The following COL13A1 variants were observed in gnomAD, a reference collection of about 807,000 sequenced individuals.
The protein encoded by COL13A1 is collagen type XIII alpha 1 chain.
COL13A1 carries 89 observed loss-of-function variants against 130.9 expected under a neutral mutation model. The ratio of observed to expected loss-of-function variants is 0.68; its 90% CI spans 0.57 to 0.81. COL13A1 has a LOEUF of 0.81. Among genes scored for constraint, COL13A1 ranks in the 30% least tolerant of loss-of-function variants. The pLI, the probability that COL13A1 is intolerant of heterozygous loss-of-function variation, is 0.00. For missense variants in COL13A1, 879 were observed against 934.6 expected (o/e 0.94, Z 0.78); for synonymous variants, 402 against 341.6 (o/e 1.18, Z -1.95).
chr10:69,856,170 C>T (rs1162799609), intron 2 of COL13A1, among the ~76,000 whole-genome samples: 1 of 152,194 alleles, frequency 6.6e-6, no homozygotes, highest in Non-Finnish European at 1.5e-5. Flanking sequence ...TTAGTAGCAG[C>T]ATTTAGAAAT....
At chr10:69,849,286 G>A (rs1014158702) in intron 2 of COL13A1, among the ~76,000 whole-genome samples, 2 of 152,130 alleles carry the variant, frequency 1.3e-5, no homozygotes, top group South Asian at 2.1e-4. Context: ...CCTCCAGGAG[G>A]GGCCTGGGGG....
intron 30 of COL13A1, chr10:69,931,221 G>A (rs1047116250): frequency 2.2e-5 from 10 of 455,968 alleles, no homozygotes; most frequent in African/African-American, 1.6e-4. Context: ...CAGAGTGGCA[G>A]GATTGCCTAA....
intron 2 of COL13A1, among the ~76,000 whole-genome samples, chr10:69,822,762 A>T (rs1225203390): frequency 6.6e-6 from 1 of 152,246 alleles, no homozygotes; most frequent in Non-Finnish European, 1.5e-5. Context: ...CAAAGGGACC[A>T]TCAGCCCCCC....
At chr10:69,826,424 G>A (rs372229730) in intron 2 of COL13A1, among the ~76,000 whole-genome samples, 2 of 152,244 alleles carry the variant, frequency 1.3e-5, no homozygotes, top group African/African-American at 4.8e-5. Context: ...GTGGTGGCAT[G>A]GGGGTGATGT....
chr10:69,944,640 C>T (rs1247941172), intron 36 of COL13A1, among the ~76,000 whole-genome samples: 1 of 133,618 alleles, frequency 7.5e-6, no homozygotes, highest in East Asian at 2.1e-4. Context: ...GCCTAGGAGA[C>T]AGAGCAAGAC....
intron 37 of COL13A1, among the ~76,000 whole-genome samples, chr10:69,946,443 A>G (rs1169124358): frequency 1.3e-5 from 2 of 152,144 alleles, no homozygotes; most frequent in South Asian, 4.1e-4. Flanking sequence ...ATGCTTTCCC[A>G]CCACTGTGTT....
chr10:69,897,723 T>C (rs564985741), intron 13 of COL13A1, among the ~76,000 whole-genome samples: 1 of 152,172 alleles, frequency 6.6e-6, no homozygotes, highest in Non-Finnish European at 1.5e-5. Flanking sequence ...GCTGGGCGCA[T>C]TCGCAGCCCA....
At chr10:69,929,399 C>CCT (rs1370333945) in intron 28 of COL13A1, among the ~76,000 whole-genome samples, 1 of 152,050 alleles carries the variant, frequency 6.6e-6, no homozygotes, top group Non-Finnish European at 1.5e-5. Context: ...AAGGTCTGCC[C>CCT]CTCTGTCTCC....
chr10:69,952,267 G>T (rs887733944), intron 38 of COL13A1, among the ~76,000 whole-genome samples: 3 of 152,278 alleles, frequency 2.0e-5, no homozygotes, highest in Admixed American at 6.5e-5. Flanking sequence ...ACACACATGT[G>T]TTCACGTGCC....
chr10:69,921,733 G>A lies in COL13A1; in HGVS notation c.1090-149G>A, dbSNP rs536592023. ...AGCCAGTCAGGATGGGGGCCGGGAGGAAGTGGAGCCCTTCAGAAAGCCAGC... is the reference window on the plus strand; with the variant it reads ...AGCCAGTCAGGATGGGGGCCGGGAGAAAGTGGAGCCCTTCAGAAAGCCAGC... On this transcript the variant is annotated intron_variant, in intron 21 of 40. Transcript: ENST00000645393. The A allele has an allele frequency of 3.2e-6, 3 of 949,812 alleles. No individual in the cohort carries two copies. In the African/African-American group the frequency reaches 4.9e-5, roughly 15 times the overall value. 58.8% of individuals were successfully genotyped at this position (949,812 alleles called of 1,614,324 possible).
chr10:69,827,713 T>A (rs1250103779), intron 2 of COL13A1, among the ~76,000 whole-genome samples: 1 of 152,204 alleles, frequency 6.6e-6, no homozygotes, highest in East Asian at 1.9e-4. Context: ...TTGGTTGTTT[T>A]TCCACAGCTG....
chr10:69,825,424 T>G (rs2132714754), intron 2 of COL13A1, among the ~76,000 whole-genome samples: 1 of 152,356 alleles, frequency 6.6e-6, no homozygotes, highest in South Asian at 2.1e-4. Context: ...CCTAATACTG[T>G]ACCCCATACA....
chr10:69,912,935 C>A (rs1255038654), intron 17 of COL13A1, among the ~76,000 whole-genome samples: 1 of 152,248 alleles, frequency 6.6e-6, no homozygotes, highest in African/African-American at 2.4e-5. Flanking sequence ...ATCCTCCCAC[C>A]TGGAATCTTG....
At chr10:69,957,881 AG>A (rs2071088547) in intron 40 of COL13A1, among the ~76,000 whole-genome samples, 1 of 152,176 alleles carries the variant, frequency 6.6e-6, no homozygotes, top group African/African-American at 2.4e-5. Context: ...ATCCTCATAA[AG>A]GGACCGGAGA....
At chr10:69,917,176 A>G (rs2064021452) in intron 17 of COL13A1, 113 bp from the exon 18 acceptor site, 4 of 1,350,084 alleles carry the variant, frequency 3.0e-6, no homozygotes, top group Non-Finnish European at 2.1e-6. Flanking sequence ...AGAGCTCAAC[A>G]TGAACCGGAC....
rs917634890 is a variant in COL13A1 at position 69,802,448 on chromosome 10, G to A, written c.25G>A (p.Ala9Thr). Residue 9 changes from alanine (A) to threonine (T), a missense_variant, in exon 1 of 41, where the codon GCG becomes ACG. Around this residue, in one of 3 missense-constraint regions of COL13A1, gnomAD observed 715 missense variants for 721.0 expected, o/e 0.99. Transcript: ENST00000645393. ...GATGGTAGCGGAGCGCACCCACAAA[G>A]CGGCAGCCACCGGTGCCCGCGGCCC... MVAERTHK[A>T]AATGARGPGE... The A allele has an allele frequency of 3.3e-6, 5 of 1,503,644 alleles. No homozygotes were observed. The African/African-American group carries it at 7.4e-5, about 22-fold the overall frequency. 93.1% of individuals were successfully genotyped at this position (1,503,644 alleles called of 1,614,324 possible). A position where few individuals can be genotyped will look rare whatever the true frequency, so the allele number is the denominator to read the frequency against.
intron 4 of COL13A1, 42 bp downstream of exon 4, chr10:69,872,252 C>T (rs754570776): frequency 3.0e-5 from 49 of 1,612,078 alleles, no homozygotes; most frequent in African/African-American, 2.0e-4. Context: ...ATCTCTTTTA[C>T]GTGCTTTTCT....
Position 69,880,648 on chromosome 10 carries a change from C to CTG in COL13A1, c.513+98_513+99dup, listed in dbSNP as rs1336689604. 4.4e-6 allele frequency: 6 copies of CTG among 1,352,712 alleles called. No individual in the cohort carries two copies. The African/African-American group carries it at 8.6e-5, about 19-fold the overall frequency. The allele number at this position is 1,352,712 out of a possible 1,614,324, so 83.8% of individuals were successfully genotyped here. ...GGGGATGAGGGGACAGCGAGGGCGG[C>CTG]TGTGCCCCTGGGTGGGGAGGCCACC... On this transcript the variant is annotated intron_variant, in intron 7 of 40. Transcript: ENST00000645393.
At chr10:69,898,123 A>C (rs1005861972) in intron 13 of COL13A1, among the ~76,000 whole-genome samples, 1 of 151,828 alleles carries the variant, frequency 6.6e-6, no homozygotes, top group African/African-American at 2.4e-5. Context: ...GCCCTTGACC[A>C]CCCTCCCCAG....
Sources: allele counts gnomAD v4.1 joint callset (sites outside exome capture counted in the v4.1 genomes callset), GRCh38; gene constraint gnomAD v4.1.1; regional missense constraint gnomAD v4.1.1; transcripts MANE v1.5; gene names NCBI Gene and HGNC (gene_info 2026-07-23, HGNC 2026-07-21).